TASP1: variants seen among roughly 807,000 people sequenced by gnomAD.
TASP1 encodes the protein taspase 1, also known as threonine aspartase 1.
A neutral mutation model predicts 56.6 loss-of-function variants in TASP1; 16 were observed. That is an observed-to-expected ratio of 0.28 (90% CI 0.19 to 0.43). The LOEUF is 0.43. Among genes scored for constraint, TASP1 ranks in the 20% least tolerant of loss-of-function variants. The pLI is 1.00. For synonymous variants in TASP1, 179 were observed against 184.2 expected, an observed-to-expected ratio of 0.97 and a Z score of 0.23; for missense variants, 393 against 511.6, an observed-to-expected ratio of 0.77 and a Z score of 2.24.
At chr20:13,258,708 G>A in the TASP1 span, among the ~76,000 whole-genome samples, 1 of 152,074 alleles carries the variant, frequency 6.6e-6, no homozygotes, top group Non-Finnish European at 1.5e-5. Context: ...ACTGGGAGGA[G>A]CTGTTTCTCT....
the TASP1 span, chr20:13,368,580 C>T: frequency 1.3e-5 from 2 of 152,236 alleles, no homozygotes; most frequent in Admixed American, 6.5e-5. Flanking sequence ...GAGCAGTCTT[C>T]TGCATTTTGG....
chr20:13,573,514 A>C (rs2046790202), intron 6 of TASP1, among the ~76,000 whole-genome samples: 1 of 152,232 alleles, frequency 6.6e-6, no homozygotes, highest in Non-Finnish European at 1.5e-5. Flanking sequence ...CACTGTCTAA[A>C]TGTAATATAG....
chr20:13,158,042 C>T, the TASP1 span, among the ~76,000 whole-genome samples: 1 of 152,138 alleles, frequency 6.6e-6, no homozygotes, highest in Non-Finnish European at 1.5e-5. Context: ...TGTGGTTTTA[C>T]CCATAAAACA....
the TASP1 span, among the ~76,000 whole-genome samples, chr20:13,346,461 T>C: frequency 6.6e-6 from 1 of 152,212 alleles, no homozygotes; most frequent in Non-Finnish European, 1.5e-5. Flanking sequence ...TGCACCATAA[T>C]CTTCCCCAGT....
At chr20:13,345,916 TAA>T in the TASP1 span, among the ~76,000 whole-genome samples, 285 of 101,300 alleles carry the variant, frequency 2.8e-3, no homozygotes, top group African/African-American at 4.2e-3. Flanking sequence ...CTCAGTAGGT[TAA>T]AAAAAAAAAA....
intron 8 of TASP1, among the ~76,000 whole-genome samples, chr20:13,551,968 T>C (rs1016720105): frequency 7.2e-5 from 11 of 152,186 alleles, no homozygotes; most frequent in Admixed American, 6.5e-4. Context: ...TTATGGAAGA[T>C]ACAGGAACAT....
At chr20:13,310,472 C>T in the TASP1 span, among the ~76,000 whole-genome samples, 1 of 148,496 alleles carries the variant, frequency 6.7e-6, no homozygotes, top group Admixed American at 6.9e-5. Context: ...TGTAAAACAA[C>T]TGGAAGGAAA....
chr20:13,613,936 C>G (rs2048436520), intron 4 of TASP1, among the ~76,000 whole-genome samples: 1 of 152,126 alleles, frequency 6.6e-6, no homozygotes, highest in Non-Finnish European at 1.5e-5. Context: ...AAAAAACTTT[C>G]CATTTTTGTT....
chr20:13,271,903 C>T, the TASP1 span, among the ~76,000 whole-genome samples: 4 of 152,114 alleles, frequency 2.6e-5, no homozygotes, highest in African/African-American at 9.7e-5. Context: ...CTCAGCCTCC[C>T]GAGTAGCTGG....
chr20:13,138,168 G>A, the TASP1 span, among the ~76,000 whole-genome samples: 35 of 152,302 alleles, frequency 2.3e-4, no homozygotes, highest in African/African-American at 8.4e-4. Context: ...TTTCTGGGTT[G>A]ATACCTGTTT....
chr20:13,561,351 T>G (rs1365801522), intron 7 of TASP1, among the ~76,000 whole-genome samples: 5 of 152,100 alleles, frequency 3.3e-5, no homozygotes, highest in African/African-American at 1.2e-4. Flanking sequence ...GCTTTTTGTT[T>G]TCCACGTGAT....
the TASP1 span, among the ~76,000 whole-genome samples, chr20:13,178,480 G>C: frequency 6.6e-6 from 1 of 152,052 alleles, no homozygotes; most frequent in African/African-American, 2.4e-5. Flanking sequence ...ACTCGCAATA[G>C]CCAAAATAGG....
chr20:13,512,383 T>C (rs2044367184), intron 10 of TASP1, among the ~76,000 whole-genome samples: 2 of 152,236 alleles, frequency 1.3e-5, no homozygotes, highest in African/African-American at 4.8e-5. Flanking sequence ...TTCATGTGTC[T>C]GTTGGCTGCA....
chr20:13,330,455 T>C, the TASP1 span, among the ~76,000 whole-genome samples: 2 of 152,148 alleles, frequency 1.3e-5, no homozygotes, highest in Non-Finnish European at 2.9e-5. Flanking sequence ...TCTATATTTA[T>C]GAGAGATATT....
At chr20:13,533,072 C>T (rs1445735268) in intron 9 of TASP1, among the ~76,000 whole-genome samples, 1 of 152,134 alleles carries the variant, frequency 6.6e-6, no homozygotes, top group East Asian at 1.9e-4. Context: ...CAAACAACAC[C>T]ACTTTGGGGT....
chr20:13,194,924 T>G, the TASP1 span, among the ~76,000 whole-genome samples: 2 of 152,044 alleles, frequency 1.3e-5, no homozygotes, highest in African/African-American at 2.4e-5. Context: ...TCATCTAAAA[T>G]GTAAAATGCA....
chr20:13,537,282 A>T (rs983980214), intron 8 of TASP1, among the ~76,000 whole-genome samples: 7 of 152,192 alleles, frequency 4.6e-5, no homozygotes, highest in Non-Finnish European at 1.0e-4. Context: ...CAAATAATAA[A>T]GAATCCTGTT....
intron 6 of TASP1, among the ~76,000 whole-genome samples, chr20:13,572,223 A>G (rs2046740320): frequency 6.6e-6 from 1 of 152,230 alleles, no homozygotes; most frequent in African/African-American, 2.4e-5. Context: ...TAAACATTAA[A>G]TAAAAATTGT....
intron 13 of TASP1, among the ~76,000 whole-genome samples, chr20:13,404,787 A>T (rs1273549293): frequency 6.6e-6 from 1 of 152,320 alleles, no homozygotes; most frequent in Non-Finnish European, 1.5e-5. Context: ...ATTTCTAGTC[A>T]AACACCTATT....
Sources: allele counts gnomAD v4.1 joint callset (sites outside exome capture counted in the v4.1 genomes callset), GRCh38; gene constraint gnomAD v4.1.1; transcripts MANE v1.5; gene names NCBI Gene and HGNC (gene_info 2026-07-23, HGNC 2026-07-21).